Variants in DIAPH3 observed in about 807,000 individuals in gnomAD.
DIAPH3 encodes the protein diaphanous related formin 3.
In DIAPH3, 117 loss-of-function variants were observed where a neutral mutation model predicts 144.3. The ratio of observed to expected loss-of-function variants is 0.81; its 90% CI spans 0.70 to 0.95. The LOEUF is 0.95. DIAPH3 is among the 40% of genes least tolerant of loss of function. DIAPH3 has a pLI of 0.00. For synonymous variants in DIAPH3, 519 were observed against 488.9 expected (o/e 1.06, Z -0.81); for missense variants, 1,421 against 1,412.7 (o/e 1.01, Z -0.09).
intron 27 of DIAPH3, among the ~76,000 whole-genome samples, chr13:59,696,480 C>A (rs2033808024): frequency 6.6e-6 from 1 of 152,222 alleles, no homozygotes; most frequent in Non-Finnish European, 1.5e-5. Flanking sequence ...TAGTGCTATG[C>A]ATCCCATTAC....
chr13:59,695,363 A>G (rs2138712007), intron 27 of DIAPH3: 1 of 152,350 alleles, frequency 6.6e-6, no homozygotes, highest in Admixed American at 6.5e-5. Context: ...TGCCAGGAGG[A>G]ATAATACTAA....
At chr13:59,846,517 T>A (rs1374018974) in intron 22 of DIAPH3, among the ~76,000 whole-genome samples, 2 of 152,152 alleles carry the variant, frequency 1.3e-5, no homozygotes, top group Non-Finnish European at 2.9e-5. Context: ...ACTGTAATAA[T>A]AAAAGCATTT....
At chr13:60,022,754 CAG>C (rs1247424484) in intron 5 of DIAPH3, among the ~76,000 whole-genome samples, 5 of 152,186 alleles carry the variant, frequency 3.3e-5, no homozygotes, top group African/African-American at 7.2e-5. Context: ...CCACATTCTG[CAG>C]AGTGTTAAGA....
At chr13:60,149,416 A>G (rs1235064363) in intron 1 of DIAPH3, among the ~76,000 whole-genome samples, 1 of 152,130 alleles carries the variant, frequency 6.6e-6, no homozygotes, top group Non-Finnish European at 1.5e-5. Context: ...CCCATGTGGG[A>G]AAAAAGTGGG....
At chr13:59,749,996 AC>A (rs1333666995) in intron 27 of DIAPH3, among the ~76,000 whole-genome samples, 1 of 152,210 alleles carries the variant, frequency 6.6e-6, no homozygotes, top group African/African-American at 2.4e-5. Context: ...AAACAAAATC[AC>A]ATTGAGTTGA....
At chr13:60,153,656 CATTAA>C (rs1951899921) in intron 1 of DIAPH3, among the ~76,000 whole-genome samples, 1 of 152,090 alleles carries the variant, frequency 6.6e-6, no homozygotes, top group African/African-American at 2.4e-5. Context: ...TCATCAATCG[CATTAA>C]ATTAATGTTG....
chr13:60,119,113 T>C (rs1594716365), intron 2 of DIAPH3, among the ~76,000 whole-genome samples: 1 of 152,174 alleles, frequency 6.6e-6, no homozygotes, highest in East Asian at 1.9e-4. Flanking sequence ...CAACAGATAT[T>C]TTGGAAATTA....
intron 9 of DIAPH3, among the ~76,000 whole-genome samples, chr13:60,001,831 G>A (rs1333027675): frequency 6.6e-6 from 1 of 152,156 alleles, no homozygotes; most frequent in Admixed American, 6.5e-5. Context: ...TAGTTACTCT[G>A]GGGAGCTTCC....
At chr13:60,088,733 T>A (rs1207118758) in intron 4 of DIAPH3, among the ~76,000 whole-genome samples, 1 of 152,186 alleles carries the variant, frequency 6.6e-6, no homozygotes, top group African/African-American at 2.4e-5. Flanking sequence ...GCGATTCTCC[T>A]GCCTCAGCCT....
chr13:59,920,868 G>A (rs1019984160), intron 18 of DIAPH3, among the ~76,000 whole-genome samples: 2 of 151,690 alleles, frequency 1.3e-5, no homozygotes, highest in Non-Finnish European at 3.0e-5. Flanking sequence ...ACAAATTTAA[G>A]GAGACTAGAA....
chr13:59,996,902 T>C (rs894693267), intron 9 of DIAPH3, among the ~76,000 whole-genome samples: 1 of 152,092 alleles, frequency 6.6e-6, no homozygotes, highest in Non-Finnish European at 1.5e-5. Context: ...AGAAGTTTTC[T>C]TCATATGTGA....
intron 27 of DIAPH3, among the ~76,000 whole-genome samples, chr13:59,702,941 C>T (rs1030708649): frequency 8.5e-5 from 13 of 152,212 alleles, no homozygotes; most frequent in African/African-American, 2.9e-4. Flanking sequence ...AAACACTACC[C>T]TGTGGGGAAG....
intron 5 of DIAPH3, among the ~76,000 whole-genome samples, chr13:60,038,784 C>T (rs550112695): frequency 6.6e-6 from 1 of 151,958 alleles, no homozygotes; most frequent in South Asian, 2.1e-4. Context: ...GACAAAAAAT[C>T]TTACCCTTGA....
At chr13:59,930,875 G>T (rs1184225485) in intron 17 of DIAPH3, among the ~76,000 whole-genome samples, 3 of 152,156 alleles carry the variant, frequency 2.0e-5, no homozygotes, top group African/African-American at 7.2e-5. Flanking sequence ...CAACAGGGAA[G>T]GAGAGTGTGG....
At chr13:59,835,475 G>A (rs1165877645) in intron 23 of DIAPH3, among the ~76,000 whole-genome samples, 1 of 151,782 alleles carries the variant, frequency 6.6e-6, no homozygotes, top group African/African-American at 2.4e-5. Context: ...AGAGCAGTGA[G>A]CTGTCCATTG....
At chr13:59,968,226 A>AT (rs2050164425) in intron 17 of DIAPH3, among the ~76,000 whole-genome samples, 1 of 152,204 alleles carries the variant, frequency 6.6e-6, no homozygotes, top group Non-Finnish European at 1.5e-5. Context: ...CATGCTAACA[A>AT]GTTTCCCTTT....
At chr13:60,009,151 T>G (rs903218122) in intron 8 of DIAPH3, among the ~76,000 whole-genome samples, 1 of 152,180 alleles carries the variant, frequency 6.6e-6, no homozygotes, top group Non-Finnish European at 1.5e-5. Context: ...AGCTGAGTGA[T>G]AGTCGAAAAT....
Position 59,991,183 on chromosome 13 carries a change from G to A in DIAPH3, c.1336C>T (p.Leu446=), listed in dbSNP as rs1401480614. Residue 446 remains leucine (L), a synonymous_variant, in exon 12 of 28, where the codon CTG becomes TTG. Coordinates refer to ENST00000400324, the MANE Select transcript of DIAPH3 (RefSeq NM_001042517.2). ...YFISILQHLL[L]IRNDYFIRQQ... ...CTTATAAAATAATCATTTCGAATCA[G>A]CAAAAGATGCTGAAGAATAGAAATA... 1.2e-6 allele frequency: 2 copies of A among 1,606,974 alleles called. No individual in the cohort carries two copies. Among genetic ancestry groups the A allele is most frequent in the Non-Finnish European group, 1.7e-6 (2 of 1,175,280 alleles).
intron 16 of DIAPH3, 72 bp downstream of exon 16, chr13:59,970,780 A>G: frequency 7.5e-7 from 1 of 1,329,990 alleles, no homozygotes; most frequent in Non-Finnish European, 1.0e-6. Flanking sequence ...CTCATTAGAA[A>G]TTATGTATAT....
Sources: gnomAD v4.1 joint callset for allele counts (sites outside exome capture counted in the v4.1 genomes callset) on GRCh38, gnomAD v4.1.1 for gene constraint, MANE v1.5 for transcripts, NCBI Gene and HGNC (gene_info 2026-07-23, HGNC 2026-07-21) for gene names.